The following ATP9B variants were observed in gnomAD, a reference collection of about 807,000 sequenced individuals.
The protein encoded by ATP9B is ATPase phospholipid transporting 9B.
ATP9B carries 110 observed loss-of-function variants against 146.1 expected under a neutral mutation model. That is an observed-to-expected ratio of 0.75 (90% CI 0.65 to 0.88). The LOEUF (loss-of-function observed/expected upper bound fraction) is 0.88, where lower values mean the gene tolerates loss of function less well. Among genes scored for constraint, ATP9B ranks in the 40% least tolerant of loss-of-function variants. The probability of loss-of-function intolerance (pLI) is 0.00; values close to 1 mark genes in which losing one functional copy is unlikely to be tolerated. For synonymous variants in ATP9B, 604 were observed against 569.7 expected, an observed-to-expected ratio of 1.06 and a Z score of -0.86; for missense variants, 1,499 against 1,496.4, an observed-to-expected ratio of 1.00 and a Z score of -0.03.
intron 2 of ATP9B, among the ~76,000 whole-genome samples, chr18:79,108,876 G>T (rs546391467): frequency 6.6e-6 from 1 of 152,178 alleles, no homozygotes; most frequent in African/African-American, 2.4e-5. Flanking sequence ...GATTTATGAA[G>T]TTTACTTCAT....
intron 17 of ATP9B, among the ~76,000 whole-genome samples, chr18:79,331,615 G>A (rs971485471): frequency 6.6e-6 from 1 of 151,936 alleles, no homozygotes; most frequent in African/African-American, 2.4e-5. Context: ...TATTAAAAAC[G>A]AAATGAGGCA....
rs761939218 is a variant in ATP9B, at chr18:79,214,052, A to G, written c.1107+14A>G. 8.3e-6 allele frequency: 13 copies of G among 1,565,574 alleles called. No homozygotes were observed. The highest frequency in any genetic ancestry group is 1.1e-5 in the Non-Finnish European group (13 of 1,154,646). ...CCAAAAAATAAGGTAGGCTAGATTG[A>G]GGAGCAACTGCTTTAATGAACTTAT... On this transcript the variant is annotated intron_variant, in intron 11 of 29. Coordinates refer to ENST00000426216, the MANE Select transcript of ATP9B (RefSeq NM_198531.5).
At chr18:79,152,565 G>A (rs558773447) in intron 6 of ATP9B, among the ~76,000 whole-genome samples, 2 of 152,232 alleles carry the variant, frequency 1.3e-5, no homozygotes, top group East Asian at 3.9e-4. Context: ...TCTTTATTAA[G>A]CATCCTTACC....
At chr18:79,243,136 G>T (rs116736227) in intron 11 of ATP9B, among the ~76,000 whole-genome samples, 1 of 152,052 alleles carries the variant, frequency 6.6e-6, no homozygotes, top group Non-Finnish European at 1.5e-5. Flanking sequence ...AAATTAAAAC[G>T]TTTACCTATT....
intron 11 of ATP9B, among the ~76,000 whole-genome samples, chr18:79,220,536 G>A (rs1328076796): frequency 6.6e-6 from 1 of 152,132 alleles, no homozygotes; most frequent in Non-Finnish European, 1.5e-5. Flanking sequence ...AGGAGTTTGA[G>A]GCTACACTGA....
intron 9 of ATP9B, among the ~76,000 whole-genome samples, chr18:79,201,535 G>T (rs1438173283): frequency 6.6e-6 from 1 of 152,096 alleles, no homozygotes; most frequent in Non-Finnish European, 1.5e-5. Flanking sequence ...GAGCCCAGGA[G>T]TTCGAGACCA....
At chr18:79,200,779 A>AGGTGGAGGTGGGAACTGTCATGGTCAG (rs2095475928) in intron 9 of ATP9B, among the ~76,000 whole-genome samples, 1 of 28,516 alleles carries the variant, frequency 3.5e-5, no homozygotes, top group Admixed American at 2.9e-4. Context: ...GTCAGAGCAG[A>AGGTGGAGGTGGGAACTGTCATGGTCAG]AGTAGTGGTG....
chr18:79,342,235 T>G, intron 19 of ATP9B, 33 bp from the exon 20 acceptor site: 1 of 1,518,486 alleles, frequency 6.6e-7, no homozygotes, highest in Non-Finnish European at 9.1e-7. Context: ...GTCCTTGTCT[T>G]GTTGAAATTC....
At chr18:79,362,657 A>G (rs989034713) in intron 26 of ATP9B, 4 of 152,332 alleles carry the variant, frequency 2.6e-5, no homozygotes, top group East Asian at 1.9e-4. Context: ...TAGGGAAGCT[A>G]GTTACTCCAA....
At chr18:79,160,874 C>A (rs564293487) in intron 7 of ATP9B, among the ~76,000 whole-genome samples, 1 of 152,138 alleles carries the variant, frequency 6.6e-6, no homozygotes, top group Non-Finnish European at 1.5e-5. Context: ...TGGGTTCCAG[C>A]GATTCTCCTG....
chr18:79,270,951 T>C (rs556636620), intron 12 of ATP9B, among the ~76,000 whole-genome samples: 1 of 152,270 alleles, frequency 6.6e-6, no homozygotes, highest in Non-Finnish European at 1.5e-5. Context: ...CACCTGGTCC[T>C]GGGGGCCACT....
intron 15 of ATP9B, among the ~76,000 whole-genome samples, chr18:79,325,929 C>G (rs376395146): frequency 9.6e-5 from 14 of 146,580 alleles, no homozygotes; most frequent in South Asian, 6.6e-4. Flanking sequence ...TGTACCCTCC[C>G]TCCCCTCACA....
chr18:79,133,331 C>G (rs542164782), intron 5 of ATP9B, among the ~76,000 whole-genome samples: 1 of 152,106 alleles, frequency 6.6e-6, no homozygotes, highest in African/African-American at 2.4e-5. Flanking sequence ...ATAGTTGCAC[C>G]AAGTAATTTT....
intron 7 of ATP9B, among the ~76,000 whole-genome samples, chr18:79,155,976 A>C (rs1189659850): frequency 2.1e-4 from 32 of 151,712 alleles, no homozygotes; most frequent in Non-Finnish European, 8.8e-5. Context: ...GTTAGCCAGG[A>C]TGGTCTCGAT....
In ATP9B at chr18:79,337,469, G is replaced by T; in HGVS notation, c.2283+20G>T. 6 of 1,596,258 alleles carry T rather than the reference G, an allele frequency of 3.8e-6. No individual in the cohort carries two copies. Among genetic ancestry groups the T allele is most frequent in the Non-Finnish European group, 5.1e-6 (6 of 1,175,632 alleles). On this transcript the variant is annotated intron_variant, in intron 19 of 29. Transcript: ENST00000426216. ...ATCAAGGTACTGCAGGCTCACCTCTGCTGGCGCGCGCTGCTTTTGCTGAAG... is the reference window on the plus strand; with the variant it reads ...ATCAAGGTACTGCAGGCTCACCTCTTCTGGCGCGCGCTGCTTTTGCTGAAG...
In ATP9B at chr18:79,329,294, A is replaced by G. The variant is rs1484406364; in HGVS notation, c.1927A>G (p.Ile643Val). Residue 643 changes from isoleucine (I) to valine (V), a missense_variant, in exon 16 of 30, where the codon ATC (isoleucine) becomes GTC (valine). Physicochemically the swap from Ile to Val is conservative, Grantham distance 29. Transcript: ENST00000426216. ...FTSESKRMGV[I>V]VRDESTAEIT... is the part of the protein sequence containing the mutation. ...CTCCGAGAGCAAGCGGATGGGCGTC[A>G]TCGTCAGGGTGAGGCTGCGGGGAGG... The G allele has an allele frequency of 1.9e-6, 3 of 1,605,276 alleles. No individual in the cohort carries two copies. In the Admixed American group the frequency reaches 5.1e-5, roughly 27 times the overall value.
intron 8 of ATP9B, among the ~76,000 whole-genome samples, chr18:79,180,146 T>C (rs2095233572): frequency 6.6e-6 from 1 of 152,214 alleles, no homozygotes; most frequent in Non-Finnish European, 1.5e-5. Flanking sequence ...TATCTTTTTC[T>C]TTGAATTTAA....
chr18:79,261,416 A>G (rs965131102), intron 12 of ATP9B, among the ~76,000 whole-genome samples: 3 of 152,146 alleles, frequency 2.0e-5, no homozygotes, highest in Admixed American at 2.0e-4. Context: ...AGGAGTGGGA[A>G]TACGCCAAGG....
intron 4 of ATP9B, among the ~76,000 whole-genome samples, chr18:79,125,629 A>T (rs2094271929): frequency 6.6e-6 from 1 of 152,214 alleles, no homozygotes; most frequent in African/African-American, 2.4e-5. Flanking sequence ...TGCAGCCTTT[A>T]AAAATGATGG....
Sources: gnomAD v4.1 joint callset for allele counts (sites outside exome capture counted in the v4.1 genomes callset) on GRCh38, gnomAD v4.1.1 for gene constraint, MANE v1.5 for transcripts, NCBI Gene and HGNC (gene_info 2026-07-23, HGNC 2026-07-21) for gene names.